COMMD10: variants seen among roughly 807,000 people sequenced by gnomAD.
COMMD10 encodes COMM domain-containing protein 10.
Under a neutral mutation model 28.9 loss-of-function variants are expected in COMMD10, and 33 were observed. That is an observed-to-expected ratio of 1.14 (90% CI 0.87 to 1.53). COMMD10 has a LOEUF of 1.53. COMMD10 is among the 40% of genes most tolerant of loss of function. The pLI is 0.00. For missense variants in COMMD10, 310 were observed against 233.4 expected, an observed-to-expected ratio of 1.33 and a Z score of -2.14; for synonymous variants, 110 against 81.7, an observed-to-expected ratio of 1.35 and a Z score of -1.87.
chr5:116,236,438 A>G (rs1328071491), intron 5 of COMMD10, among the ~76,000 whole-genome samples: 3 of 138,526 alleles, frequency 2.2e-5, no homozygotes, highest in Admixed American at 1.6e-4. Flanking sequence ...CAGGAGGCGG[A>G]GGTTGCGGTG....
intron 2 of COMMD10, among the ~76,000 whole-genome samples, chr5:116,088,791 G>C (rs1003995465): frequency 1.3e-5 from 2 of 152,218 alleles, no homozygotes; most frequent in East Asian, 1.9e-4. Context: ...TGTGCTCCTA[G>C]TTCATTCTCA....
At chr5:116,097,761 G>T (rs1750515021) in intron 4 of COMMD10, among the ~76,000 whole-genome samples, 1 of 152,114 alleles carries the variant, frequency 6.6e-6, no homozygotes, top group Non-Finnish European at 1.5e-5. Context: ...AGTCATGGTG[G>T]AAGGTGAATG....
Position 116,134,062 on chromosome 5 carries a change from TTATAG to T in COMMD10, c.400-5_400-1del, listed in dbSNP as rs1751947281. On this transcript the variant is annotated splice_acceptor_variant and splice_polypyrimidine_tract_variant and intron_variant, in intron 4 of 6. Coordinates refer to ENST00000274458, the MANE Select transcript of COMMD10 (RefSeq NM_016144.4). LOFTEE classifies it high-confidence loss of function. The stretch of plus-strand genomic sequence containing the variant: ...TCTGATTCCAATCTGCACCTGTCTT[TTATAG>T]CTAGAGACCGTTGGATGGCAGCTTA... The T allele has an allele frequency of 6.5e-7, 1 of 1,534,306 alleles. No homozygotes were observed. The highest frequency in any genetic ancestry group is 9.0e-7 in the Non-Finnish European group (1 of 1,105,838).
chr5:116,203,169 G>A (rs761703587), intron 5 of COMMD10, among the ~76,000 whole-genome samples: 1 of 152,098 alleles, frequency 6.6e-6, no homozygotes, highest in Admixed American at 6.6e-5. Context: ...ATGAAATGAA[G>A]CGAGAAGGAA....
chr5:116,201,601 C>A (rs919792071), intron 5 of COMMD10, among the ~76,000 whole-genome samples: 2 of 152,076 alleles, frequency 1.3e-5, no homozygotes, highest in East Asian at 3.8e-4. Flanking sequence ...CGAGAAGAAT[C>A]GTTGATTTTT....
intron 5 of COMMD10, among the ~76,000 whole-genome samples, chr5:116,262,571 A>G (rs530468349): frequency 6.6e-6 from 1 of 151,904 alleles, no homozygotes; most frequent in African/African-American, 2.4e-5. Context: ...TTTCAAGTAC[A>G]TTAATTATGT....
chr5:116,275,235 T>C (rs931392591), intron 5 of COMMD10, among the ~76,000 whole-genome samples: 3 of 151,890 alleles, frequency 2.0e-5, no homozygotes, highest in African/African-American at 2.4e-5. Context: ...GTATGTGTTA[T>C]AGTCTGTTGC....
At chr5:116,116,666 C>T (rs574711879) in intron 4 of COMMD10, among the ~76,000 whole-genome samples, 2 of 151,426 alleles carry the variant, frequency 1.3e-5, no homozygotes, top group South Asian at 2.1e-4. Flanking sequence ...GTATTCTCTA[C>T]CTTTACTGAA....
At chr5:116,179,755 T>C (rs77175196) in intron 5 of COMMD10, among the ~76,000 whole-genome samples, 2,191 of 152,210 alleles carry the variant, frequency 0.014, 51 homozygotes, top group African/African-American at 0.046. Context: ...ATAAAAATTA[T>C]ATCAGTTTTA....
At chr5:116,088,055 G>A (rs1241541301) in intron 2 of COMMD10, among the ~76,000 whole-genome samples, 3 of 152,058 alleles carry the variant, frequency 2.0e-5, no homozygotes, top group African/African-American at 7.3e-5. Context: ...TTATTTTAAG[G>A]ATATGGTTGT....
intron 5 of COMMD10, among the ~76,000 whole-genome samples, chr5:116,246,832 T>G (rs1378659659): frequency 1.3e-5 from 2 of 151,976 alleles, no homozygotes; most frequent in Non-Finnish European, 2.9e-5. Flanking sequence ...TAAACAAAAA[T>G]GGATTAAAGA....
At chr5:116,137,750 G>A (rs1580479281) in intron 5 of COMMD10, among the ~76,000 whole-genome samples, 2 of 151,954 alleles carry the variant, frequency 1.3e-5, no homozygotes, top group South Asian at 4.1e-4. Flanking sequence ...CTGTTTGACT[G>A]TGGTCTCCTT....
intron 5 of COMMD10, among the ~76,000 whole-genome samples, chr5:116,216,346 T>C (rs1036519032): frequency 6.6e-5 from 10 of 152,202 alleles, no homozygotes; most frequent in African/African-American, 1.7e-4. Context: ...ACAGTACTTA[T>C]ATGGACTAGA....
chr5:116,188,481 G>C (rs1748218762), intron 5 of COMMD10: 1 of 151,976 alleles, frequency 6.6e-6, no homozygotes. Flanking sequence ...TCACAAATTT[G>C]TGCAGGGGCC....
intron 5 of COMMD10, among the ~76,000 whole-genome samples, chr5:116,267,120 T>G (rs1459722929): frequency 1.3e-5 from 2 of 151,610 alleles, no homozygotes; most frequent in African/African-American, 4.9e-5. Flanking sequence ...GAGAAAGAAA[T>G]AAAGGGTAGT....
intron 5 of COMMD10, among the ~76,000 whole-genome samples, chr5:116,262,142 C>G (rs987519866): frequency 7.3e-5 from 11 of 151,572 alleles, no homozygotes; most frequent in East Asian, 1.9e-4. Context: ...GGTACTTTTC[C>G]TCTTTAGATG....
At chr5:116,149,255 T>C (rs1204635350) in intron 5 of COMMD10, among the ~76,000 whole-genome samples, 27 of 144,348 alleles carry the variant, frequency 1.9e-4, no homozygotes, top group African/African-American at 7.2e-4. Context: ...CAGTCTATCA[T>C]TGTTGGACAT....
intron 5 of COMMD10, among the ~76,000 whole-genome samples, chr5:116,206,898 G>A (rs1158729178): frequency 6.6e-6 from 1 of 152,064 alleles, no homozygotes; most frequent in Admixed American, 6.5e-5. Context: ...GTAGGCATTA[G>A]GAAGCAACAG....
rs1003955302 is a variant in COMMD10, at chr5:116,171,527, G to A, written c.510+37349G>A. 6.6e-5 allele frequency among the ~76,000 whole-genome samples: 10 copies of A among 152,144 alleles called. No homozygotes were observed. In the East Asian group the frequency reaches 7.7e-4, roughly 12 times the overall value. The stretch of plus-strand genomic sequence containing the variant: ...CATTCTACTATAAAGACACATGCAC[G>A]TGTATGTTTATTGCAGCACAATTTA... On this transcript the variant is annotated intron_variant, in intron 5 of 6. Coordinates refer to ENST00000274458, the MANE Select transcript of COMMD10 (RefSeq NM_016144.4).
Sources: allele counts gnomAD v4.1 joint callset (sites outside exome capture counted in the v4.1 genomes callset), GRCh38; gene constraint gnomAD v4.1.1; transcripts MANE v1.5; gene names NCBI Gene and HGNC (gene_info 2026-07-23, HGNC 2026-07-21).